The following CREB1 variants were observed in gnomAD, a reference collection of about 807,000 sequenced individuals.
CREB1 encodes cyclic AMP-responsive element-binding protein 1.
Under a neutral mutation model 42.0 loss-of-function variants are expected in CREB1, and 2 were observed. That is an observed-to-expected ratio of 0.05 (90% CI 0.02 to 0.15). The LOEUF is 0.15. Among genes scored for constraint, CREB1 ranks in the 10% least tolerant of loss-of-function variants. CREB1 has a pLI of 1.00. For synonymous variants in CREB1, 123 were observed against 139.9 expected (o/e 0.88, Z 0.85); for missense variants, 199 against 388.9 (o/e 0.51, Z 4.11).
intron 4 of CREB1, among the ~76,000 whole-genome samples, chr2:207,568,498 A>T (rs2082226478): frequency 6.6e-6 from 1 of 151,358 alleles, no homozygotes; most frequent in African/African-American, 2.4e-5. Flanking sequence ...CTAGTAAAGT[A>T]ATTACACAGG....
intron 3 of CREB1, among the ~76,000 whole-genome samples, chr2:207,564,618 A>G (rs16839883): frequency 0.068 from 10,298 of 152,264 alleles, 718 homozygotes; most frequent in East Asian, 0.23. Flanking sequence ...TTTAGGAAAC[A>G]TCGAATATTA....
intron 7 of CREB1, among the ~76,000 whole-genome samples, chr2:207,588,573 A>G (rs903246884): frequency 6.6e-6 from 1 of 152,192 alleles, no homozygotes; most frequent in Admixed American, 6.5e-5. Flanking sequence ...CTAGAATTTT[A>G]GTTAGGATTG....
At position 207,540,669 on chromosome 2, in the gene CREB1, TAAAAAAAAA is replaced by T. The variant is rs35714520; in HGVS notation, c.-9+10555_-9+10563del. Among the ~76,000 whole-genome samples the T allele has an allele frequency of 1.6e-3, 103 of 64,254 alleles. 2 individuals are homozygous for T. Among genetic ancestry groups the T allele is most frequent in the South Asian group, 9.0e-3 (12 of 1,334 alleles). 42.2% of individuals were successfully genotyped at this position (64,254 alleles called of 152,430 possible). A position where few individuals can be genotyped will look rare whatever the true frequency, so the allele number is the denominator to read the frequency against. On this transcript the variant is annotated intron_variant, in intron 1 of 7. Coordinates refer to ENST00000353267, the MANE Select transcript of CREB1 (RefSeq NM_004379.5). ...AAGTTTAACAAAAAAGTTTAAAAAG[TAAAAAAAAA>T]AAAAAAAAAAAAAAAAAAAGGAAAA...
intron 7 of CREB1, among the ~76,000 whole-genome samples, chr2:207,579,986 C>T (rs935983698): frequency 6.6e-6 from 1 of 152,148 alleles, no homozygotes; most frequent in Non-Finnish European, 1.5e-5. Context: ...CATCCATACC[C>T]ATGTATTTCA....
In CREB1 at chr2:207,586,958, A is replaced by G. The variant is rs571273527; in HGVS notation, c.839+9303A>G. 4.6e-5 allele frequency among the ~76,000 whole-genome samples: 7 copies of G among 152,338 alleles called. No individual in the cohort carries two copies. In the South Asian group the frequency reaches 8.3e-4, roughly 18 times the overall value. ...GGAAGTATCATTAGTTAGAATGGCT[A>G]TAATCAAAAAGACAAGAAGTAAACA... is the stretch of plus-strand genomic sequence containing the variant. On this transcript the variant is annotated intron_variant, in intron 7 of 7. Transcript: ENST00000353267.
intron 6 of CREB1, 24 bp from the exon 7 acceptor site, chr2:207,577,481 C>A (rs766191481): frequency 4.3e-6 from 7 of 1,612,472 alleles, no homozygotes; most frequent in Non-Finnish European, 5.9e-6. Context: ...TTCTGTCTTA[C>A]ACCATGCTCA....
intron 5 of CREB1, among the ~76,000 whole-genome samples, chr2:207,573,115 A>G (rs1028023142): frequency 5.3e-5 from 8 of 152,192 alleles, no homozygotes; most frequent in African/African-American, 1.9e-4. Flanking sequence ...ATTCTTAGCT[A>G]ACTTTCTGTT....
chr2:207,531,860 TTC>T (rs1462941674), intron 1 of CREB1, among the ~76,000 whole-genome samples: 2 of 152,248 alleles, frequency 1.3e-5, no homozygotes, highest in African/African-American at 4.8e-5. Flanking sequence ...GCTGTATTGC[TTC>T]TCTTTAAAAG....
At chr2:207,561,748 T>A (rs760455225) in intron 3 of CREB1, among the ~76,000 whole-genome samples, 1 of 152,208 alleles carries the variant, frequency 6.6e-6, no homozygotes, top group African/African-American at 2.4e-5. Context: ...TCTTTACATA[T>A]AGTAACCAGA....
At chr2:207,592,182 C>T (rs532220767) in intron 7 of CREB1, among the ~76,000 whole-genome samples, 8 of 152,146 alleles carry the variant, frequency 5.3e-5, no homozygotes, top group Middle Eastern at 6.8e-3. Context: ...CTGAGGTAGG[C>T]GGATCACAAG....
chr2:207,567,633 A>G (rs2082188929), intron 4 of CREB1, 70 bp downstream of exon 4: 13 of 1,035,854 alleles, frequency 1.3e-5, no homozygotes, highest in Non-Finnish European at 1.8e-5. Flanking sequence ...AAGAGATGTC[A>G]GAAGACCAGT....
At chr2:207,544,050 G>A (rs764932985) in intron 1 of CREB1, among the ~76,000 whole-genome samples, 6 of 152,108 alleles carry the variant, frequency 3.9e-5, no homozygotes, top group Non-Finnish European at 5.9e-5. Flanking sequence ...CTCCTGAGTA[G>A]CTGGGACTAC....
At position 207,548,763 on chromosome 2, in the gene CREB1, C is replaced by T. The variant is rs561214063; in HGVS notation, c.-8-6865C>T. On this transcript the variant is annotated intron_variant, in intron 1 of 7. Transcript: ENST00000353267. Reference sequence around the variant, plus strand: ...AAACTCTGTCCCCGCCTGCCTCCCCCGCTCCCCCCCAAAAAGATTCCTTTT... The same window carrying T: ...AAACTCTGTCCCCGCCTGCCTCCCCTGCTCCCCCCCAAAAAGATTCCTTTT... Among the ~76,000 whole-genome samples, 14 of 152,082 alleles carry T rather than the reference C, an allele frequency of 9.2e-5. No homozygotes were observed. In the South Asian group the frequency reaches 1.5e-3, roughly 16 times the overall value.
At chr2:207,584,734 A>G (rs2083519184) in intron 7 of CREB1, among the ~76,000 whole-genome samples, 1 of 152,084 alleles carries the variant, frequency 6.6e-6, no homozygotes, top group Non-Finnish European at 1.5e-5. Context: ...TTTGCTATCT[A>G]TATGTTTTCT....
intron 7 of CREB1, among the ~76,000 whole-genome samples, chr2:207,590,484 G>A (rs1044612692): frequency 3.3e-5 from 5 of 151,254 alleles, no homozygotes; most frequent in Non-Finnish European, 7.4e-5. Flanking sequence ...ATTTTCTCCT[G>A]CTTGCTTTGG....
At chr2:207,570,082 G>A in intron 4 of CREB1, 97 bp from the exon 5 acceptor site, 2 of 676,858 alleles carry the variant, frequency 3.0e-6, no homozygotes, top group South Asian at 2.3e-5. Context: ...CTAAGCACTA[G>A]CAGCTTTCTG....
At position 207,584,654 on chromosome 2, in the gene CREB1, G is replaced by A. The variant is rs980022501; in HGVS notation, c.839+6999G>A. 5.9e-5 allele frequency among the ~76,000 whole-genome samples: 9 copies of A among 152,002 alleles called. No homozygotes were observed. The South Asian group carries it at 6.2e-4, about 11-fold the overall frequency. The stretch of plus-strand genomic sequence containing the variant: ...TGACCTCAGATGATCCACCCACCTC[G>A]GCCTCCCAAAATGCTGGGATTACAG... On this transcript the variant is annotated intron_variant, in intron 7 of 7. Transcript: ENST00000353267.
chr2:207,545,369 G>A (rs1005766225), intron 1 of CREB1, among the ~76,000 whole-genome samples: 1 of 151,888 alleles, frequency 6.6e-6, no homozygotes. Context: ...CACCATGCCC[G>A]GCTAATTTTT....
At chr2:207,578,398 T>C (rs1317865890) in intron 7 of CREB1, among the ~76,000 whole-genome samples, 1 of 152,094 alleles carries the variant, frequency 6.6e-6, no homozygotes, top group African/African-American at 2.4e-5. Context: ...TTTAAAAAGT[T>C]TGAAATTAGT....
Sources: gnomAD v4.1 joint callset for allele counts (sites outside exome capture counted in the v4.1 genomes callset) on GRCh38, gnomAD v4.1.1 for gene constraint, MANE v1.5 for transcripts, NCBI Gene and HGNC (gene_info 2026-07-23, HGNC 2026-07-21) for gene names.